FARS2: variants seen among roughly 807,000 people sequenced by gnomAD.
FARS2 encodes phenylalanine--tRNA ligase, mitochondrial.
FARS2 carries 40 observed loss-of-function variants against 46.4 expected under a neutral mutation model. The observed-to-expected ratio is 0.86, with a 90% CI of 0.67 to 1.12. FARS2 has a LOEUF of 1.12. FARS2 is among the 50% of genes most tolerant of loss of function. The probability of loss-of-function intolerance (pLI) is 0.00; values close to 1 mark genes in which losing one functional copy is unlikely to be tolerated. For synonymous variants in FARS2, 234 were observed against 214.9 expected (o/e 1.09, Z -0.78); for missense variants, 513 against 567.9 (o/e 0.90, Z 0.98).
chr6:5,370,217 A>G (rs1010107841), intron 2 of FARS2, among the ~76,000 whole-genome samples: 4 of 152,178 alleles, frequency 2.6e-5, no homozygotes, highest in Non-Finnish European at 2.9e-5. Context: ...CTATAGCAGG[A>G]GATAACTGAA....
At chr6:5,277,212 T>C (rs1766400295) in intron 1 of FARS2, among the ~76,000 whole-genome samples, 1 of 151,958 alleles carries the variant, frequency 6.6e-6, no homozygotes, top group African/African-American at 2.4e-5. Flanking sequence ...TTGTTTTTTT[T>C]TTTTCTTTTC....
chr6:5,408,469 A>C (rs919263404), intron 3 of FARS2, among the ~76,000 whole-genome samples: 6 of 152,222 alleles, frequency 3.9e-5, no homozygotes, highest in Non-Finnish European at 7.3e-5. Context: ...GATTGACAGT[A>C]GACTCTTATG....
chr6:5,663,351 C>A (rs1192051461), intron 6 of FARS2, among the ~76,000 whole-genome samples: 1 of 152,150 alleles, frequency 6.6e-6, no homozygotes, highest in East Asian at 1.9e-4. Flanking sequence ...GATGATTGAA[C>A]TTTCAAAAAA....
At chr6:5,543,202 G>A (rs1415409699) in intron 4 of FARS2, among the ~76,000 whole-genome samples, 2 of 152,132 alleles carry the variant, frequency 1.3e-5, no homozygotes, top group Non-Finnish European at 2.9e-5. Flanking sequence ...CATTTGTCTT[G>A]ATGATTGCCT....
intron 1 of FARS2, among the ~76,000 whole-genome samples, chr6:5,302,726 G>C (rs1487058693): frequency 2.0e-5 from 3 of 152,182 alleles, no homozygotes; most frequent in African/African-American, 4.8e-5. Context: ...CTTCCTGACT[G>C]TGTGGGGGGC....
chr6:5,696,560 A>G (rs995028008), intron 6 of FARS2, among the ~76,000 whole-genome samples: 1 of 152,208 alleles, frequency 6.6e-6, no homozygotes, highest in Non-Finnish European at 1.5e-5. Flanking sequence ...AGTAAAGAAA[A>G]CAAAGATGTA....
At chr6:5,356,072 G>C (rs780019995) in intron 1 of FARS2, among the ~76,000 whole-genome samples, 12 of 152,198 alleles carry the variant, frequency 7.9e-5, no homozygotes, top group Non-Finnish European at 1.6e-4. Context: ...CTCTCAAACT[G>C]TAAACAAGTG....
chr6:5,432,516 C>CATAT (rs559755182), intron 4 of FARS2, among the ~76,000 whole-genome samples: 2,219 of 40,570 alleles, frequency 0.055, 45 homozygotes, highest in African/African-American at 0.13. Flanking sequence ...ATATCCCAAT[C>CATAT]ATATATATAT....
intron 6 of FARS2, among the ~76,000 whole-genome samples, chr6:5,723,728 C>A (rs1179015042): frequency 6.6e-6 from 1 of 152,216 alleles, no homozygotes; most frequent in East Asian, 1.9e-4. Flanking sequence ...GAATTAAATT[C>A]TCTTTGCCTG....
intron 1 of FARS2, among the ~76,000 whole-genome samples, chr6:5,281,057 T>C (rs926096538): frequency 7.9e-5 from 12 of 152,328 alleles, no homozygotes; most frequent in Admixed American, 7.8e-4. Flanking sequence ...GGGTTTACTT[T>C]GTACTCGAGT....
At chr6:5,631,317 T>C (rs1473952452) in intron 6 of FARS2, among the ~76,000 whole-genome samples, 8 of 152,184 alleles carry the variant, frequency 5.3e-5, no homozygotes, top group Non-Finnish European at 1.0e-4. Flanking sequence ...TTATATCATG[T>C]CTGATATAGG....
Position 5,369,015 on chromosome 6 carries a change from A to C in FARS2, c.445A>C (p.Thr149Pro). The C allele has an allele frequency of 1.2e-6, 2 of 1,614,010 alleles. No individual in the cohort carries two copies. Among genetic ancestry groups the C allele is most frequent in the Non-Finnish European group, 1.7e-6 (2 of 1,180,010 alleles). The part of the protein sequence containing the change: ...KKGDNYYLNR[T>P]HMLRAHTSAH... Reference sequence around the variant, plus strand: ...GGGGGACAACTATTACCTGAATCGGACTCACATGCTGAGAGCGCACACGTC... The same window carrying C: ...GGGGGACAACTATTACCTGAATCGGCCTCACATGCTGAGAGCGCACACGTC... Residue 149 changes from threonine to proline, a missense_variant, in exon 2 of 7, where the codon ACT becomes CCT. Thr to Pro is a conservative substitution (Grantham distance 38). Coordinates refer to ENST00000274680, the MANE Select transcript of FARS2 (RefSeq NM_006567.5).
At chr6:5,348,480 CCTTA>C (rs1437046940) in intron 1 of FARS2, among the ~76,000 whole-genome samples, 24 of 33,194 alleles carry the variant, frequency 7.2e-4, no homozygotes, top group African/African-American at 3.1e-3. Flanking sequence ...TGTGTTACTT[CCTTA>C]CTTATTTATT....
chr6:5,693,324 C>A (rs1013688789), intron 6 of FARS2, among the ~76,000 whole-genome samples: 1 of 152,226 alleles, frequency 6.6e-6, no homozygotes, highest in African/African-American at 2.4e-5. Context: ...CTCACCAGAT[C>A]TGCCCCCTCA....
chr6:5,613,892 A>C (rs1775321910), intron 6 of FARS2, among the ~76,000 whole-genome samples: 1 of 152,220 alleles, frequency 6.6e-6, no homozygotes, highest in African/African-American at 2.4e-5. Context: ...GTGGGGAGTC[A>C]GGGCAGGCCA....
intron 1 of FARS2, among the ~76,000 whole-genome samples, chr6:5,357,306 A>G (rs1476341452): frequency 6.6e-6 from 1 of 152,256 alleles, no homozygotes; most frequent in Non-Finnish European, 1.5e-5. Context: ...ATAAATGTTC[A>G]TAATGGGTTT....
chr6:5,485,492 G>T (rs550980080), intron 4 of FARS2, among the ~76,000 whole-genome samples: 2 of 146,132 alleles, frequency 1.4e-5, no homozygotes, highest in African/African-American at 2.5e-5. Flanking sequence ...TTTAAAGTGG[G>T]GGGGACTGGG....
chr6:5,372,368 G>A (rs568716314), intron 2 of FARS2, among the ~76,000 whole-genome samples: 30 of 152,144 alleles, frequency 2.0e-4, no homozygotes, highest in African/African-American at 4.3e-4. Context: ...ATGTATATGT[G>A]TATAAACACA....
chr6:5,501,172 C>A (rs1436469218), intron 4 of FARS2, among the ~76,000 whole-genome samples: 1 of 151,892 alleles, frequency 6.6e-6, no homozygotes, highest in Non-Finnish European at 1.5e-5. Context: ...AGTATCTAAA[C>A]CTCAAAGAGT....
Sources: allele counts gnomAD v4.1 joint callset (sites outside exome capture counted in the v4.1 genomes callset), GRCh38; gene constraint gnomAD v4.1.1; transcripts MANE v1.5; gene names NCBI Gene and HGNC (gene_info 2026-07-23, HGNC 2026-07-21).